The following PLCE1 variants were observed in gnomAD, a reference collection of about 807,000 sequenced individuals.
The protein encoded by PLCE1 is phospholipase C epsilon 1.
PLCE1 carries 119 observed loss-of-function variants against 242.8 expected under a neutral mutation model. The observed-to-expected ratio is 0.49, with a 90% confidence interval of 0.42 to 0.57. PLCE1 has a LOEUF of 0.57. Among genes scored for constraint, PLCE1 ranks in the 20% least tolerant of loss-of-function variants. The probability of loss-of-function intolerance (pLI) is 0.00; values close to 1 mark genes in which losing one functional copy is unlikely to be tolerated. For synonymous variants in PLCE1, 945 were observed against 1,017.4 expected (o/e 0.93, Z 1.35); for missense variants, 2,441 against 2,788.8 (o/e 0.88, Z 2.81).
At chr10:94,122,737 G>A (rs2046334439) in intron 2 of PLCE1, among the ~76,000 whole-genome samples, 1 of 152,194 alleles carries the variant, frequency 6.6e-6, no homozygotes, top group African/African-American at 2.4e-5. Flanking sequence ...AAGGTAACAT[G>A]TTCTCCTTAA....
intron 4 of PLCE1, among the ~76,000 whole-genome samples, chr10:94,198,484 A>G (rs1204917526): frequency 2.0e-5 from 3 of 152,168 alleles, no homozygotes; most frequent in Non-Finnish European, 4.4e-5. Context: ...GCCTTTTGGC[A>G]TGCAGTTTGA....
chr10:94,150,484 C>A (rs1340016879), intron 3 of PLCE1, among the ~76,000 whole-genome samples: 1 of 152,128 alleles, frequency 6.6e-6, no homozygotes, highest in African/African-American at 2.4e-5. Context: ...TGATCCCAAT[C>A]CACTTCCACT....
chr10:94,284,371 G>A (rs1364173340), intron 21 of PLCE1, among the ~76,000 whole-genome samples: 1 of 152,172 alleles, frequency 6.6e-6, no homozygotes, highest in Non-Finnish European at 1.5e-5. Flanking sequence ...AAAGGCATTT[G>A]GGATGACCAA....
At chr10:94,218,990 T>A (rs895342530) in intron 4 of PLCE1, among the ~76,000 whole-genome samples, 1 of 147,716 alleles carries the variant, frequency 6.8e-6, no homozygotes, top group Non-Finnish European at 1.5e-5. Context: ...TAGTTATATA[T>A]AAATAATTAT....
At chr10:94,255,324 G>A (rs913536863) in intron 11 of PLCE1, among the ~76,000 whole-genome samples, 19 of 152,156 alleles carry the variant, frequency 1.2e-4, no homozygotes, top group African/African-American at 4.3e-4. Flanking sequence ...CTAACTAGAT[G>A]TGGGTATTTA....
In PLCE1 at chr10:94,285,010, G is replaced by T. The variant is rs2052386947; in HGVS notation, c.5035+45G>T. ...TCTATAACTTTTAAAGATATCAAAG[G>T]TTAAAAATATGCCATTTATTTAATT... On this transcript the variant is annotated intron_variant, in intron 22 of 32. Transcript: ENST00000371380. 6 of 1,082,602 alleles carry T rather than the reference G, an allele frequency of 5.5e-6. No homozygotes were observed. The Admixed American group carries it at 1.0e-4, about 18-fold the overall frequency. 67.1% of individuals were successfully genotyped at this position (1,082,602 alleles called of 1,614,324 possible).
chr10:94,216,914 G>A (rs2049548883), intron 4 of PLCE1, among the ~76,000 whole-genome samples: 1 of 151,496 alleles, frequency 6.6e-6, no homozygotes, highest in African/African-American at 2.4e-5. Flanking sequence ...GCTGTGTGGG[G>A]AGCAAAGCTT....
chr10:94,295,969 C>G (rs986638858), intron 23 of PLCE1, among the ~76,000 whole-genome samples: 2 of 152,310 alleles, frequency 1.3e-5, no homozygotes, highest in South Asian at 4.1e-4. Flanking sequence ...ACAAGAGAGA[C>G]AGCCTTTTCT....
At chr10:94,241,344 G>A (rs776079729) in intron 7 of PLCE1, among the ~76,000 whole-genome samples, 1 of 152,074 alleles carries the variant, frequency 6.6e-6, no homozygotes. Flanking sequence ...ATGGAATATG[G>A]AAAACACCAT....
intron 3 of PLCE1, among the ~76,000 whole-genome samples, chr10:94,141,576 AAGGT>A (rs1564727238): frequency 8.4e-6 from 1 of 118,946 alleles, no homozygotes; most frequent in African/African-American, 3.5e-5. Context: ...AGGCTAAGGG[AAGGT>A]GAAGGGAAGG....
rs58610099 is a variant in PLCE1, at chr10:94,319,864, C to CTTTTTTTTTT, written c.6343-2023_6343-2014dup. 5.2e-4 allele frequency among the ~76,000 whole-genome samples: 48 copies of CTTTTTTTTTT among 92,934 alleles called. 6 individuals are homozygous for CTTTTTTTTTT. Among genetic ancestry groups the CTTTTTTTTTT allele is most frequent in the East Asian group, 1.6e-3 (5 of 3,068 alleles). 61.0% of individuals were successfully genotyped at this position (92,934 alleles called of 152,430 possible). The stretch of plus-strand genomic sequence containing the variant: ...GCTCTGAGGGAGGCTCAAAGGTGCT[C>CTTTTTTTTTT]TTTTTTTTTTTTTTTTTTTTTTTGA... On this transcript the variant is annotated intron_variant, in intron 29 of 32. Transcript: ENST00000371380.
intron 1 of PLCE1, among the ~76,000 whole-genome samples, chr10:94,022,403 A>G (rs769154225): frequency 3.9e-5 from 6 of 152,014 alleles, no homozygotes; most frequent in African/African-American, 1.4e-4. Context: ...GCATATATAC[A>G]TATGTATGTG....
At chr10:94,129,108 C>G (rs2046520426) in intron 2 of PLCE1, among the ~76,000 whole-genome samples, 1 of 152,206 alleles carries the variant, frequency 6.6e-6, no homozygotes, top group Non-Finnish European at 1.5e-5. Flanking sequence ...TGCATTATAA[C>G]TGTCCTGAAG....
At chr10:94,243,390 G>A (rs2050575236) in intron 7 of PLCE1, among the ~76,000 whole-genome samples, 1 of 152,284 alleles carries the variant, frequency 6.6e-6, no homozygotes, top group East Asian at 1.9e-4. Context: ...GACCTGACAA[G>A]TAAATGTAAT....
At chr10:94,080,233 A>G (rs2044617478) in intron 2 of PLCE1, among the ~76,000 whole-genome samples, 1 of 152,070 alleles carries the variant, frequency 6.6e-6, no homozygotes, top group South Asian at 2.1e-4. Context: ...TTCTGCATGA[A>G]CACCTCACAG....
At chr10:94,225,503 C>G (rs762274545) in intron 4 of PLCE1, 2 of 152,228 alleles carry the variant, frequency 1.3e-5, no homozygotes, top group Non-Finnish European at 2.9e-5. Context: ...TGAAACCCAT[C>G]TCTACTAAAA....
At chr10:94,109,861 T>G (rs1029170152) in intron 2 of PLCE1, among the ~76,000 whole-genome samples, 7 of 151,546 alleles carry the variant, frequency 4.6e-5, no homozygotes, top group Non-Finnish European at 7.4e-5. Flanking sequence ...TGTTTTTTTT[T>G]TTTTTCCTGG....
At chr10:94,204,572 G>T (rs533847942) in intron 4 of PLCE1, among the ~76,000 whole-genome samples, 60 of 152,192 alleles carry the variant, frequency 3.9e-4, no homozygotes, top group Admixed American at 1.6e-3. Flanking sequence ...GGAAACTGAG[G>T]CAGAGAATTG....
chr10:94,011,663 C>T (rs559432147), intron 1 of PLCE1, among the ~76,000 whole-genome samples: 3 of 152,272 alleles, frequency 2.0e-5, no homozygotes, highest in East Asian at 3.9e-4. Context: ...GATTTGAAAA[C>T]ATTTTTCTTC....
Sources: allele counts gnomAD v4.1 joint callset (sites outside exome capture counted in the v4.1 genomes callset), GRCh38; gene constraint gnomAD v4.1.1; transcripts MANE v1.5; gene names NCBI Gene and HGNC (gene_info 2026-07-23, HGNC 2026-07-21).